ZNF445: variants seen among roughly 807,000 people sequenced by gnomAD.
ZNF445 encodes the protein zinc finger protein 445.
In ZNF445, 19 loss-of-function variants were observed where a neutral mutation model predicts 93.9. The ratio of observed to expected loss-of-function variants is 0.20; its 90% CI spans 0.14 to 0.30. The LOEUF is 0.30. ZNF445 is among the 10% of genes least tolerant of loss of function. The pLI, the probability that ZNF445 is intolerant of heterozygous loss-of-function variation, is 1.00. For missense variants in ZNF445, 1,058 were observed against 1,259.4 expected (o/e 0.84, Z 2.42); for synonymous variants, 449 against 446.3 (o/e 1.01, Z -0.08).
rs1037287372 is a variant in ZNF445 at position 44,432,629 on chromosome 3, A to G, written c.*13946T>C. The stretch of plus-strand genomic sequence containing the variant: ...AGATAGAGGGCAATCTGCTTTCCTC[A>G]AAGTCCACAAATTTAAACGTTAATC... On this transcript the variant is annotated 3_prime_UTR_variant, in exon 8 of 8. Coordinates refer to ENST00000396077, the MANE Select transcript of ZNF445 (RefSeq NM_181489.6). 1 of 152,242 alleles carries G rather than the reference A, an allele frequency of 6.6e-6. No individual in the cohort carries two copies. Among genetic ancestry groups the G allele is most frequent in the Non-Finnish European group, 1.5e-5 (1 of 68,080 alleles). The allele number at this position is 152,242 out of a possible 1,614,324, so 9.4% of individuals were successfully genotyped here.
Position 44,439,009 on chromosome 3 carries a change from A to T in ZNF445, c.*7566T>A, listed in dbSNP as rs1697753083. 8.1e-5 allele frequency: 1 copy of T among 12,272 alleles called. No homozygotes were observed. Among genetic ancestry groups the T allele is most frequent in the Non-Finnish European group, 1.5e-4 (1 of 6,734 alleles). 0.8% of individuals were successfully genotyped at this position (12,272 alleles called of 1,614,324 possible). A position where few individuals can be genotyped will look rare whatever the true frequency, so the allele number is the denominator to read the frequency against. ...TTGTGCACATGTACCCTAAAAGTAT[A>T]AAAAAAAAAAAAACAAGGACTCCAG... On this transcript the variant is annotated 3_prime_UTR_variant, in exon 8 of 8. Transcript: ENST00000396077.
rs894996858 is a variant in ZNF445, at chr3:44,438,140, A to G, written c.*8435T>C. On this transcript the variant is annotated 3_prime_UTR_variant, in exon 8 of 8. Transcript: ENST00000396077. ...AATTTGGAGAGTACTGTATCTCCTCAGTCACATTTTGCACTTCACTTTTTT... is the reference window on the plus strand; with the variant it reads ...AATTTGGAGAGTACTGTATCTCCTCGGTCACATTTTGCACTTCACTTTTTT... 6.6e-5 allele frequency: 10 copies of G among 150,864 alleles called. No homozygotes were observed. Among genetic ancestry groups the G allele is most frequent in the African/African-American group, 1.9e-4 (8 of 41,038 alleles). The allele number at this position is 150,864 out of a possible 1,614,324, so 9.3% of individuals were successfully genotyped here. A position where few individuals can be genotyped will look rare whatever the true frequency, so the allele number is the denominator to read the frequency against.
At chr3:44,461,681 T>C (rs1033941746) in intron 1 of ZNF445, among the ~76,000 whole-genome samples, 4 of 152,202 alleles carry the variant, frequency 2.6e-5, no homozygotes. Flanking sequence ...TGGGAAAAAG[T>C]TTGAGCTTCG....
chr3:44,453,182 A>T (rs942999733), intron 3 of ZNF445, among the ~76,000 whole-genome samples: 9 of 152,154 alleles, frequency 5.9e-5, no homozygotes, highest in African/African-American at 1.9e-4. Flanking sequence ...AAGTGCTGGG[A>T]TTACAGGCGT....
At chr3:44,470,611 T>G (rs1698255568) in intron 1 of ZNF445, among the ~76,000 whole-genome samples, 1 of 152,236 alleles carries the variant, frequency 6.6e-6, no homozygotes, top group Non-Finnish European at 1.5e-5. Flanking sequence ...CAAAGCAGTT[T>G]ACATATGCAC....
rs1462227966 is a variant in ZNF445, at chr3:44,451,337, C to A, written c.575G>T (p.Arg192Leu). 1.9e-6 allele frequency: 3 copies of A among 1,613,978 alleles called. No homozygotes were observed. Among genetic ancestry groups the A allele is most frequent in the Non-Finnish European group, 2.5e-6 (3 of 1,179,846 alleles). ...HLEPPYEIEA[R>L]DFLAGQSDTP... ...ACCGGATTGCCCAGCCAGGAAGTCA[C>A]GTGCTTCTATTTCATAGGGAGGCTC... Residue 192 changes from arginine (R) to leucine (L), a missense_variant, in exon 4 of 8, where the codon CGT (arginine) becomes CTT (leucine). Around this residue, in one of 3 missense-constraint regions of ZNF445, gnomAD observed 657 missense variants for 746.4 expected, o/e 0.88. Coordinates refer to ENST00000396077, the MANE Select transcript of ZNF445 (RefSeq NM_181489.6).
chr3:44,451,321 C>A lies in ZNF445; in HGVS notation c.591G>T (p.Gly197=), dbSNP rs758627405. ...AGGCCAGGCAGCAAGTACCGGATTGCCCAGCCAGGAAGTCACGTGCTTCTA... is the reference window on the plus strand; with the variant it reads ...AGGCCAGGCAGCAAGTACCGGATTGACCAGCCAGGAAGTCACGTGCTTCTA... ...YEIEARDFLA[G]QSDTPAAQMP... is the part of the protein sequence containing the mutation. Residue 197 remains glycine (G), a synonymous_variant, in exon 4 of 8, where the codon GGG becomes GGT. Coordinates refer to ENST00000396077, the MANE Select transcript of ZNF445 (RefSeq NM_181489.6). 1 of 1,613,170 alleles carries A rather than the reference C, an allele frequency of 6.2e-7. No homozygotes were observed. Among genetic ancestry groups the A allele is most frequent in the East Asian group, 2.2e-5 (1 of 44,828 alleles).
intron 3 of ZNF445, among the ~76,000 whole-genome samples, chr3:44,452,168 CAT>C (rs1697966532): frequency 6.6e-6 from 1 of 152,242 alleles, no homozygotes; most frequent in African/African-American, 2.4e-5. Context: ...CTGTCCCTCA[CAT>C]AGAGATGAGT....
At chr3:44,454,507 C>T (rs1698000090) in intron 3 of ZNF445, among the ~76,000 whole-genome samples, 1 of 152,200 alleles carries the variant, frequency 6.6e-6, no homozygotes. Flanking sequence ...AATCACGGCT[C>T]ACTGCAGCCT....
intron 3 of ZNF445, among the ~76,000 whole-genome samples, chr3:44,453,976 T>C (rs1697990340): frequency 6.6e-6 from 1 of 152,020 alleles, no homozygotes; most frequent in Non-Finnish European, 1.5e-5. Flanking sequence ...ATGACCATCT[T>C]CCCTGCCTCC....
chr3:44,466,687 A>G (rs1215888468), intron 1 of ZNF445, among the ~76,000 whole-genome samples: 2 of 152,188 alleles, frequency 1.3e-5, no homozygotes, highest in Non-Finnish European at 2.9e-5. Context: ...ATAAGCAGGT[A>G]TAAAATTTAA....
chr3:44,458,063 T>C (rs948920020), intron 2 of ZNF445, among the ~76,000 whole-genome samples, 181 bp downstream of exon 2: 1 of 138,250 alleles, frequency 7.2e-6, no homozygotes, highest in Non-Finnish European at 1.6e-5. Context: ...CATAAAACTA[T>C]ACAACTTTTA....
At chr3:44,465,296 T>C (rs1044636378) in intron 1 of ZNF445, among the ~76,000 whole-genome samples, 11 of 152,170 alleles carry the variant, frequency 7.2e-5, no homozygotes, top group Admixed American at 5.9e-4. Context: ...AAGGATTGTC[T>C]TAACCTAAAA....
Position 44,442,241 on chromosome 3 carries a change from C to T in ZNF445, c.*4334G>A, listed in dbSNP as rs968400445. The T allele has an allele frequency of 2.6e-5, 4 of 152,226 alleles. No individual in the cohort carries two copies. Among genetic ancestry groups the T allele is most frequent in the Non-Finnish European group, 5.9e-5 (4 of 68,042 alleles). 9.4% of individuals were successfully genotyped at this position (152,226 alleles called of 1,614,324 possible). A position where few individuals can be genotyped will look rare whatever the true frequency, so the allele number is the denominator to read the frequency against. On this transcript the variant is annotated 3_prime_UTR_variant, in exon 8 of 8. Coordinates refer to ENST00000396077, the MANE Select transcript of ZNF445 (RefSeq NM_181489.6). Reference sequence around the variant, plus strand: ...AAAACAACCCATTTATTTATCCATTCTTCTGCTGATGAAATGCAGGCTTTT... The same window carrying T: ...AAAACAACCCATTTATTTATCCATTTTTCTGCTGATGAAATGCAGGCTTTT...
chr3:44,450,679 GC>G, intron 5 of ZNF445, 106 bp from the exon 6 acceptor site: 1 of 1,475,546 alleles, frequency 6.8e-7, no homozygotes, highest in South Asian at 1.3e-5. Context: ...GATGGACCTG[GC>G]AAAGGTGAAA....
At position 44,448,292 on chromosome 3, in the gene ZNF445, T is replaced by C; in HGVS notation, c.1379A>G (p.Asp460Gly). 1 of 1,614,128 alleles carries C rather than the reference T, an allele frequency of 6.2e-7. No homozygotes were observed. Among genetic ancestry groups the C allele is most frequent in the Non-Finnish European group, 8.5e-7 (1 of 1,180,030 alleles). Residue 460 changes from aspartate (D) to glycine (G), a missense_variant, in exon 8 of 8, where the codon GAC becomes GGC. This residue lies in a region of ZNF445 where 657 missense variants were observed against 746.4 expected (regional missense o/e 0.88). Transcript: ENST00000396077. ...IHSGLKGNKK[D>G]VCGKDFSLSS... ...AAGGCTGAAGTCTTTTCCACACACG[T>C]CCTTTTTGTTCCCTTTCAGTCCACT...
At chr3:44,451,018 GC>G in intron 4 of ZNF445, 56 bp from the exon 5 acceptor site, 1 of 1,403,658 alleles carries the variant, frequency 7.1e-7, no homozygotes. Flanking sequence ...CCAGTGAGAA[GC>G]CCACTCTTCC....
intron 3 of ZNF445, among the ~76,000 whole-genome samples, chr3:44,452,841 T>C (rs1003401540): frequency 1.3e-5 from 2 of 152,170 alleles, no homozygotes; most frequent in Non-Finnish European, 2.9e-5. Context: ...TGGTAGACCA[T>C]GTCCTGATGT....
At chr3:44,472,892 C>CA (rs1698291501) in intron 1 of ZNF445, among the ~76,000 whole-genome samples, 2 of 152,196 alleles carry the variant, frequency 1.3e-5, no homozygotes, top group Admixed American at 1.3e-4. Context: ...ACTCTCCCCC[C>CA]AGAGCTTTAT....
Sources: gnomAD v4.1 joint callset for allele counts (sites outside exome capture counted in the v4.1 genomes callset) on GRCh38, gnomAD v4.1.1 for gene constraint, gnomAD v4.1.1 regional missense constraint, MANE v1.5 for transcripts, NCBI Gene and HGNC (gene_info 2026-07-23, HGNC 2026-07-21) for gene names.